TRAF3: variants seen among roughly 807,000 people sequenced by gnomAD.
The protein encoded by TRAF3 is TNF receptor associated factor 3.
TRAF3 carries 13 observed loss-of-function variants against 62.3 expected under a neutral mutation model. The observed-to-expected ratio is 0.21, with a 90% CI of 0.14 to 0.33. TRAF3 has a LOEUF of 0.33. Ranked by LOEUF, TRAF3 falls within the 10% of genes least tolerant of loss-of-function variation. The pLI, the probability that TRAF3 is intolerant of heterozygous loss-of-function variation, is 1.00. For synonymous variants in TRAF3, 269 were observed against 283.4 expected (o/e 0.95, Z 0.51); for missense variants, 440 against 741.8 (o/e 0.59, Z 4.73).
chr14:102,791,034 T>G (rs78207901), intron 1 of TRAF3, among the ~76,000 whole-genome samples: 1 of 151,290 alleles, frequency 6.6e-6, no homozygotes, highest in Non-Finnish European at 1.5e-5. Flanking sequence ...TTTTTTTTTT[T>G]TTCGAGAGGG....
chr14:102,867,602 G>A (rs914619954), intron 2 of TRAF3, among the ~76,000 whole-genome samples: 4 of 152,074 alleles, frequency 2.6e-5, no homozygotes, highest in African/African-American at 9.7e-5. Context: ...CTAGGGGAAC[G>A]TAGAGCTTCT....
intron 2 of TRAF3, among the ~76,000 whole-genome samples, chr14:102,837,121 TG>T (rs556248524): frequency 0.29 from 40,302 of 140,988 alleles, 6,180 homozygotes; most frequent in African/African-American, 0.42. Context: ...AAGTAATTTG[TG>T]TGTGTGTGTG....
intron 1 of TRAF3, among the ~76,000 whole-genome samples, chr14:102,783,094 G>C (rs1334062190): frequency 7.2e-5 from 11 of 152,190 alleles, no homozygotes. Context: ...TCCACCAAGG[G>C]CCAGGCACAT....
At chr14:102,880,967 C>T (rs935338489) in intron 6 of TRAF3, among the ~76,000 whole-genome samples, 6 of 152,076 alleles carry the variant, frequency 3.9e-5, no homozygotes, top group African/African-American at 1.2e-4. Context: ...ATCGCAGGTG[C>T]CTGTAATCCC....
intron 6 of TRAF3, among the ~76,000 whole-genome samples, chr14:102,884,401 T>C (rs2139905691): frequency 6.6e-6 from 1 of 152,284 alleles, no homozygotes; most frequent in African/African-American, 2.4e-5. Context: ...CAGATAGACA[T>C]GAATTTTGGA....
At chr14:102,817,876 A>G (rs1899633000) in intron 1 of TRAF3, among the ~76,000 whole-genome samples, 2 of 152,316 alleles carry the variant, frequency 1.3e-5, no homozygotes, top group Admixed American at 6.5e-5. Context: ...AAAGAGTTTG[A>G]GATTCACTTG....
chr14:102,830,343 A>C lies in TRAF3; in HGVS notation c.-147A>C, dbSNP rs947873036. 1.3e-5 allele frequency: 2 copies of C among 152,388 alleles called. No individual in the cohort carries two copies. Among genetic ancestry groups the C allele is most frequent in the Non-Finnish European group, 2.9e-5 (2 of 68,228 alleles). 9.4% of individuals were successfully genotyped at this position (152,388 alleles called of 1,614,324 possible). A position where few individuals can be genotyped will look rare whatever the true frequency, so the allele number is the denominator to read the frequency against. On this transcript the variant is annotated 5_prime_UTR_variant, in exon 2 of 12. The change abolishes an upstream ATG in the 5' untranslated region. Transcript: ENST00000392745. ...TCCCTTTATTTTACAGATGAGGAAA[A>C]TGAGGCCCAAAGAAGTGATGCCACT... is the stretch of plus-strand genomic sequence containing the variant.
chr14:102,789,347 A>G (rs943974832), intron 1 of TRAF3, among the ~76,000 whole-genome samples: 3 of 152,142 alleles, frequency 2.0e-5, no homozygotes, highest in African/African-American at 7.2e-5. Context: ...CTGTGTAGGT[A>G]TGTTTTTATT....
chr14:102,813,458 CT>C (rs913736425), intron 1 of TRAF3, among the ~76,000 whole-genome samples: 9 of 140,482 alleles, frequency 6.4e-5, no homozygotes, highest in East Asian at 2.1e-4. Flanking sequence ...CTTTTCTTTT[CT>C]TTTTTTTTTG....
Position 102,897,246 on chromosome 14 carries a change from G to T in TRAF3, c.820-15G>T, listed in dbSNP as rs201052970. The T allele has an allele frequency of 2.1e-3, 3,387 of 1,607,162 alleles. 14 individuals are homozygous for T. Among genetic ancestry groups the T allele is most frequent in the South Asian group, 0.01 (909 of 90,088 alleles). On this transcript the variant is annotated splice_polypyrimidine_tract_variant and intron_variant, in intron 9 of 11. Transcript: ENST00000392745. Reference sequence around the variant, plus strand: ...ACCACTTTTGGTTACATTAATTAAAGAATTTCTTTTTTAGGTTTCCTTGTT... The same window carrying T: ...ACCACTTTTGGTTACATTAATTAAATAATTTCTTTTTTAGGTTTCCTTGTT...
intron 1 of TRAF3, among the ~76,000 whole-genome samples, chr14:102,800,264 A>G (rs927356634): frequency 2.0e-5 from 3 of 152,278 alleles, no homozygotes; most frequent in Non-Finnish European, 4.4e-5. Flanking sequence ...TCCCTCCAGG[A>G]GCCCCAGTGC....
At chr14:102,816,033 A>G (rs1281549937) in intron 1 of TRAF3, among the ~76,000 whole-genome samples, 3 of 152,198 alleles carry the variant, frequency 2.0e-5, no homozygotes, top group Non-Finnish European at 4.4e-5. Flanking sequence ...TGCCCTTATC[A>G]AAAATGTATT....
At chr14:102,822,414 G>C (rs1289026485) in intron 1 of TRAF3, among the ~76,000 whole-genome samples, 3 of 152,174 alleles carry the variant, frequency 2.0e-5, no homozygotes, top group Non-Finnish European at 4.4e-5. Flanking sequence ...TCAATATGCA[G>C]ATTTTCTCTA....
chr14:102,886,082 C>A, intron 6 of TRAF3, 107 bp from the exon 7 acceptor site: 1 of 931,512 alleles, frequency 1.1e-6, no homozygotes. Flanking sequence ...ACTTAGAGGA[C>A]AGCGATGGTG....
rs184795171 is a variant in TRAF3 at position 102,846,786 on chromosome 14, A to T, written c.-18+16314A>T. Reference sequence around the variant, plus strand: ...AGTTGTGGTTGCACCACTGCACTCCAGCCTGGGTGACAGAGCAAGATGCTG... The same window carrying T: ...AGTTGTGGTTGCACCACTGCACTCCTGCCTGGGTGACAGAGCAAGATGCTG... On this transcript the variant is annotated intron_variant, in intron 2 of 11. Transcript: ENST00000392745. Among the ~76,000 whole-genome samples the T allele has an allele frequency of 4.5e-3, 686 of 152,226 alleles. 5 individuals are homozygous for T. The highest frequency in any genetic ancestry group is 0.015 in the African/African-American group (631 of 41,526).
At chr14:102,781,818 A>G (rs1380933750) in intron 1 of TRAF3, among the ~76,000 whole-genome samples, 1 of 135,424 alleles carries the variant, frequency 7.4e-6, no homozygotes, top group Non-Finnish European at 1.6e-5. Context: ...TTTGAGACAG[A>G]GTCTCACTCT....
At chr14:102,793,217 T>C (rs1480080796) in intron 1 of TRAF3, among the ~76,000 whole-genome samples, 2 of 152,134 alleles carry the variant, frequency 1.3e-5, no homozygotes, top group African/African-American at 4.8e-5. Context: ...AGTGGTACGA[T>C]CTTGGCTCAC....
At chr14:102,879,328 G>A (rs1157868414) in intron 6 of TRAF3, among the ~76,000 whole-genome samples, 2 of 152,100 alleles carry the variant, frequency 1.3e-5, no homozygotes, top group African/African-American at 2.4e-5. Context: ...CCTGGAATGC[G>A]GTGACACAAT....
chr14:102,850,913 C>T (rs1887001382), intron 2 of TRAF3, among the ~76,000 whole-genome samples: 1 of 152,134 alleles, frequency 6.6e-6, no homozygotes, highest in Admixed American at 6.5e-5. Flanking sequence ...AAGCAAACAT[C>T]TTCTCAAACC....
Sources: allele counts gnomAD v4.1 joint callset (sites outside exome capture counted in the v4.1 genomes callset), GRCh38; gene constraint gnomAD v4.1.1; transcripts MANE v1.5; gene names NCBI Gene and HGNC (gene_info 2026-07-23, HGNC 2026-07-21).